CALCOCO2: variants seen among roughly 807,000 people sequenced by gnomAD.
CALCOCO2 encodes the protein calcium binding and coiled-coil domain 2.
In CALCOCO2, 42 loss-of-function variants were observed where a neutral mutation model predicts 62.5. That is an observed-to-expected ratio of 0.67 (90% CI 0.53 to 0.87). The LOEUF is 0.87. Among genes scored for constraint, CALCOCO2 ranks in the 40% least tolerant of loss-of-function variants. The pLI, the probability that CALCOCO2 is intolerant of heterozygous loss-of-function variation, is 0.00. For synonymous variants in CALCOCO2, 167 were observed against 173.0 expected (o/e 0.97, Z 0.27); for missense variants, 456 against 515.0 (o/e 0.89, Z 1.11).
chr17:48,840,361 A>G (rs1414666532), intron 1 of CALCOCO2, among the ~76,000 whole-genome samples: 1 of 150,674 alleles, frequency 6.6e-6, no homozygotes, highest in Non-Finnish European at 1.5e-5. Context: ...GAACTCCTGG[A>G]CTCAAAAGAT....
chr17:48,862,208 C>A, intron 11 of CALCOCO2, 68 bp from the exon 12 acceptor site: 1 of 1,009,046 alleles, frequency 9.9e-7, no homozygotes, highest in Non-Finnish European at 1.6e-6. Flanking sequence ...AAATATCTGC[C>A]AGAACACAGT....
chr17:48,853,294 CT>C, intron 9 of CALCOCO2: 1 of 291,742 alleles, frequency 3.4e-6, no homozygotes, highest in Non-Finnish European at 6.6e-6. Flanking sequence ...AGAATAACCC[CT>C]ACCCTCTTCT....
At chr17:48,836,916 C>T (rs2039901531) in intron 1 of CALCOCO2, among the ~76,000 whole-genome samples, 3 of 152,092 alleles carry the variant, frequency 2.0e-5, no homozygotes, top group African/African-American at 7.2e-5. Flanking sequence ...CATGCCACCA[C>T]ACCCAGCTAA....
intron 1 of CALCOCO2, among the ~76,000 whole-genome samples, chr17:48,840,129 T>C (rs1461925253): frequency 1.3e-5 from 2 of 152,052 alleles, no homozygotes; most frequent in African/African-American, 4.8e-5. Flanking sequence ...GTTGTTGTTG[T>C]TGTCATTGTT....
chr17:48,852,461 T>G, intron 7 of CALCOCO2, 45 bp from the exon 8 acceptor site: 5 of 1,571,902 alleles, frequency 3.2e-6, no homozygotes, highest in Non-Finnish European at 4.3e-6. Context: ...CCTGTTTTGT[T>G]TTCCTTCTTT....
chr17:48,847,874 C>CA (rs1195575038), intron 2 of CALCOCO2, 190 bp from the exon 3 acceptor site: 1 of 497,234 alleles, frequency 2.0e-6, no homozygotes, highest in Non-Finnish European at 3.6e-6. Flanking sequence ...AGGCTGGTCT[C>CA]AAACTACTGA....
intron 4 of CALCOCO2, chr17:48,848,837 A>G (rs2040087996): frequency 2.1e-6 from 1 of 482,038 alleles, no homozygotes; most frequent in African/African-American, 2.0e-5. Context: ...CGTGAGTATT[A>G]GATTCATTTT....
rs1012229721 is a variant in CALCOCO2 at position 48,847,977 on chromosome 17, A to T, written c.181-87A>T. On this transcript the variant is annotated intron_variant, in intron 2 of 12. Coordinates refer to ENST00000258947, the MANE Select transcript of CALCOCO2 (RefSeq NM_005831.5). ...GCCTATATTTTCAATATATACAAAT[A>T]AAAAGTGATTTTAAGAAGATGTAGC... 1.1e-5 allele frequency: 8 copies of T among 743,800 alleles called. No individual in the cohort carries two copies. In the African/African-American group the frequency reaches 1.2e-4, roughly 11 times the overall value. The allele number at this position is 743,800 out of a possible 1,614,324, so 46.1% of individuals were successfully genotyped here.
chr17:48,861,661 G>GTGTATATATATATATATATATATA (rs573456839), intron 11 of CALCOCO2, among the ~76,000 whole-genome samples: 46 of 135,124 alleles, frequency 3.4e-4, no homozygotes, highest in African/African-American at 1.3e-3. Flanking sequence ...ATGTGTGTGT[G>GTGTATATATATATATATATATATA]TATATATATA....
chr17:48,855,690 T>TA (rs151067408), intron 9 of CALCOCO2: 1,716 of 153,060 alleles, frequency 0.011, 45 homozygotes, highest in African/African-American at 0.039. Flanking sequence ...AACCCAAACC[T>TA]AAGTGCTTCA....
In CALCOCO2 at chr17:48,849,235, G is replaced by A; in HGVS notation, c.418-17G>A. Reference sequence around the variant, plus strand: ...TAGAGGGACTTGGAATATAGTTTATGGAATGTTCTTTTGTAGGGAGAGGTG... The same window carrying A: ...TAGAGGGACTTGGAATATAGTTTATAGAATGTTCTTTTGTAGGGAGAGGTG... On this transcript the variant is annotated splice_polypyrimidine_tract_variant and intron_variant, in intron 4 of 12. Transcript: ENST00000258947. 1.2e-6 allele frequency: 2 copies of A among 1,612,780 alleles called. No homozygotes were observed. Among genetic ancestry groups the A allele is most frequent in the Non-Finnish European group, 1.7e-6 (2 of 1,179,072 alleles).
chr17:48,852,580 G>A lies in CALCOCO2; in HGVS notation c.777G>A (p.Glu259=), dbSNP rs1215057282. The A allele has an allele frequency of 1.2e-6, 2 of 1,613,034 alleles. No individual in the cohort carries two copies. Among genetic ancestry groups the A allele is most frequent in the East Asian group, 4.5e-5 (2 of 44,862 alleles). Residue 259 remains glutamate, a synonymous_variant, in exon 8 of 13, where the codon GAG becomes GAA. Transcript: ENST00000258947. Reference sequence around the variant, plus strand: ...ATCAAGATAAGACAGAGCAGTTAGAGCAGCTGAAAAAGGAAAATGACCACC... The same window carrying A: ...ATCAAGATAAGACAGAGCAGTTAGAACAGCTGAAAAAGGAAAATGACCACC... ...QGDQDKTEQL[E]QLKKENDHLF...
chr17:48,860,449 G>A lies in CALCOCO2; in HGVS notation c.1144G>A (p.Gly382Ser). 6.2e-7 allele frequency: 1 copy of A among 1,612,692 alleles called. No homozygotes were observed. The highest frequency in any genetic ancestry group is 8.5e-7 in the Non-Finnish European group (1 of 1,179,182). Reference sequence around the variant, plus strand: ...ACTTGCCTATGGAAACCCATATTCTGGTAAGACAACTTTCCCATTCCAACT... The same window carrying A: ...ACTTGCCTATGGAAACCCATATTCTAGTAAGACAACTTTCCCATTCCAACT... Reference protein sequence around the residue: ...PGLAYGNPYSGIQESSSPSPL... With the variant: ...PGLAYGNPYSSIQESSSPSPL... Residue 382 changes from glycine (G) to serine (S), a missense_variant and splice_region_variant, in exon 11 of 13, where the codon GGT (glycine) becomes AGT (serine). Transcript: ENST00000258947.
intron 2 of CALCOCO2, among the ~76,000 whole-genome samples, chr17:48,843,280 T>G (rs901861785): frequency 2.0e-5 from 3 of 152,314 alleles, no homozygotes; most frequent in South Asian, 4.1e-4. Context: ...TTCCCTCTTA[T>G]ACATCTCACA....
chr17:48,856,623 C>T (rs561218642), intron 10 of CALCOCO2: 39 of 455,772 alleles, frequency 8.6e-5, no homozygotes, highest in Admixed American at 4.2e-4. Flanking sequence ...CATGGTAGGC[C>T]CCTAATAAAT....
chr17:48,834,527 A>G (rs1271647044), intron 1 of CALCOCO2, among the ~76,000 whole-genome samples: 1 of 152,202 alleles, frequency 6.6e-6, no homozygotes, highest in Non-Finnish European at 1.5e-5. Flanking sequence ...GAGGGTTGGA[A>G]TAAGGAATTA....
intron 8 of CALCOCO2, 32 bp from the exon 9 acceptor site, chr17:48,852,894 C>T: frequency 6.5e-7 from 1 of 1,528,472 alleles, no homozygotes; most frequent in Non-Finnish European, 9.1e-7. Context: ...TGTGTTTTCC[C>T]AGCAATGGTA....
chr17:48,846,827 G>A (rs1272252408), intron 2 of CALCOCO2, among the ~76,000 whole-genome samples: 1 of 151,990 alleles, frequency 6.6e-6, no homozygotes, highest in Non-Finnish European at 1.5e-5. Flanking sequence ...GCTCAGACAG[G>A]GTCAAAATAT....
intron 10 of CALCOCO2, among the ~76,000 whole-genome samples, chr17:48,857,291 G>A (rs1177622407): frequency 6.7e-5 from 10 of 150,310 alleles, no homozygotes; most frequent in Non-Finnish European, 1.0e-4. Context: ...TCCACCTTCC[G>A]GGTTCAAGCG....
Sources: gnomAD v4.1 joint callset for allele counts (sites outside exome capture counted in the v4.1 genomes callset) on GRCh38, gnomAD v4.1.1 for gene constraint, MANE v1.5 for transcripts, NCBI Gene and HGNC (gene_info 2026-07-23, HGNC 2026-07-21) for gene names.